The following KALRN variants were observed in gnomAD, a reference collection of about 807,000 sequenced individuals.
KALRN encodes the protein kalirin.
Under a neutral mutation model 353.7 loss-of-function variants are expected in KALRN, and 70 were observed. That is an observed-to-expected ratio of 0.20 (90% CI 0.16 to 0.24). The LOEUF (loss-of-function observed/expected upper bound fraction) is 0.24, where lower values mean the gene tolerates loss of function less well. Ranked by LOEUF, KALRN falls within the 10% of genes least tolerant of loss-of-function variation. The probability of loss-of-function intolerance (pLI) is 1.00; values close to 1 mark genes in which losing one functional copy is unlikely to be tolerated. For synonymous variants in KALRN, 1,391 were observed against 1,434.8 expected (o/e 0.97, Z 0.69); for missense variants, 2,791 against 3,756.7 (o/e 0.74, Z 6.72).
At position 124,227,663 on chromosome 3, in the gene KALRN, G is replaced by GTTTTTTT. The variant is rs747087120; in HGVS notation, c.74-291_74-285dup. Among the ~76,000 whole-genome samples the GTTTTTTT allele has an allele frequency of 2.4e-3, 166 of 69,256 alleles. 26 individuals carry two copies. The highest frequency in any genetic ancestry group is 2.9e-3 in the Non-Finnish European group (100 of 34,496). 45.4% of individuals were successfully genotyped at this position (69,256 alleles called of 152,430 possible). The stretch of plus-strand genomic sequence containing the variant: ...CAAGTTGCTCAATAGCAACAGGGCT[G>GTTTTTTT]TTTTTTTTTTTTTTTTTTTTTTTTT... On this transcript the variant is annotated intron_variant, in intron 1 of 59. Coordinates refer to ENST00000682506, the MANE Select transcript of KALRN (RefSeq NM_001388419.1).
chr3:124,313,915 T>C (rs2078541219), intron 6 of KALRN, among the ~76,000 whole-genome samples: 1 of 152,180 alleles, frequency 6.6e-6, no homozygotes, highest in Admixed American at 6.5e-5. Context: ...AGAGAATACC[T>C]GAGTCATAGG....
rs397876079 is a variant in KALRN at position 124,437,689 on chromosome 3, CAAAAAAAA to C, written c.3049-1180_3049-1173del. 3.0e-3 allele frequency among the ~76,000 whole-genome samples: 144 copies of C among 48,336 alleles called. 2 individuals are homozygous for C. The highest frequency in any genetic ancestry group is 8.9e-3 in the South Asian group (7 of 784). 31.7% of individuals were successfully genotyped at this position (48,336 alleles called of 152,430 possible). On this transcript the variant is annotated intron_variant, in intron 17 of 59. Coordinates refer to ENST00000682506, the MANE Select transcript of KALRN (RefSeq NM_001388419.1). ...TGGGTGAAAAAGCTAGATTCCGTCTCAAAAAAAAAAAAAAAAAAAAAAAAAAGACGTTT... is the reference window on the plus strand; with the variant it reads ...TGGGTGAAAAAGCTAGATTCCGTCTCAAAAAAAAAAAAAAAAAAGACGTTT...
At chr3:124,501,058 C>A (rs72980555) in intron 33 of KALRN, among the ~76,000 whole-genome samples, 3,001 of 152,260 alleles carry the variant, frequency 0.02, 103 homozygotes, top group African/African-American at 0.067. Context: ...TTAGCCCAGG[C>A]ATGCTGGAAA....
At chr3:124,325,098 C>T (rs1268952058) in intron 6 of KALRN, among the ~76,000 whole-genome samples, 2 of 152,102 alleles carry the variant, frequency 1.3e-5, no homozygotes, top group Admixed American at 1.3e-4. Flanking sequence ...TCGTTCCTTC[C>T]TGGAGCATTT....
intron 14 of KALRN, among the ~76,000 whole-genome samples, chr3:124,419,997 G>A (rs1019494228): frequency 5.3e-5 from 8 of 152,162 alleles, no homozygotes; most frequent in African/African-American, 1.9e-4. Flanking sequence ...TGTGTTTGGG[G>A]GCAGTGGGAG....
intron 43 of KALRN, among the ~76,000 whole-genome samples, chr3:124,660,680 C>CAAAAAAAA (rs5852424): frequency 1.1e-5 from 1 of 93,802 alleles, no homozygotes; most frequent in Admixed American, 1.2e-4. Context: ...GACTATGTCT[C>CAAAAAAAA]AAAAAAAAAA....
intron 1 of KALRN, among the ~76,000 whole-genome samples, chr3:124,185,256 T>G (rs920946106): frequency 6.6e-6 from 1 of 152,212 alleles, no homozygotes; most frequent in African/African-American, 2.4e-5. Context: ...GCACAAACCA[T>G]CTGCCCGTCT....
At chr3:124,504,942 A>G in intron 33 of KALRN, 1 of 506,078 alleles carries the variant, frequency 2.0e-6, no homozygotes, top group East Asian at 5.8e-5. Flanking sequence ...CAAGGCAAAC[A>G]AGGCTCAAGT....
At chr3:124,325,918 C>G in intron 6 of KALRN, 62 bp from the exon 7 acceptor site, 1 of 1,430,496 alleles carries the variant, frequency 7.0e-7, no homozygotes, top group Middle Eastern at 1.8e-4. Flanking sequence ...ATGTACCCCA[C>G]GAAAGTGCTC....
In KALRN at chr3:124,424,176, G is replaced by A. The variant is rs545187900; in HGVS notation, c.2709+1198G>A. ...TCCCGGGGGGGTTCCCAGCAGGGCA[G>A]GTACCACATCACTCCTGTGGTTGCC... On this transcript the variant is annotated intron_variant, in intron 15 of 59. Transcript: ENST00000682506. Among the ~76,000 whole-genome samples the A allele has an allele frequency of 1.6e-3, 238 of 152,254 alleles. 2 individuals are homozygous for A. Among genetic ancestry groups the A allele is most frequent in the African/African-American group, 5.5e-3 (229 of 41,542 alleles).
At chr3:124,391,199 A>G (rs2089320314) in intron 11 of KALRN, among the ~76,000 whole-genome samples, 1 of 150,584 alleles carries the variant, frequency 6.6e-6, no homozygotes, top group African/African-American at 2.4e-5. Context: ...CATAGTATAC[A>G]TATATTTTGA....
chr3:124,449,479 C>T (rs1025039992), intron 21 of KALRN, among the ~76,000 whole-genome samples: 2 of 152,110 alleles, frequency 1.3e-5, no homozygotes, highest in Non-Finnish European at 2.9e-5. Context: ...TATAAGGGGT[C>T]AAGGCACACG....
chr3:124,569,083 T>A (rs2110017466), intron 34 of KALRN, among the ~76,000 whole-genome samples: 1 of 152,330 alleles, frequency 6.6e-6, no homozygotes, highest in African/African-American at 2.4e-5. Flanking sequence ...TTCCTTTTCC[T>A]GTGCACTTTC....
chr3:124,233,439 C>T (rs2148560442), intron 2 of KALRN, among the ~76,000 whole-genome samples: 1 of 152,246 alleles, frequency 6.6e-6, no homozygotes, highest in Non-Finnish European at 1.5e-5. Flanking sequence ...ATGAAAGGTC[C>T]AACTCTGAGT....
intron 5 of KALRN, among the ~76,000 whole-genome samples, chr3:124,275,221 G>A (rs1051420605): frequency 6.6e-6 from 1 of 151,932 alleles, no homozygotes; most frequent in Non-Finnish European, 1.5e-5. Context: ...ATAAACTTCT[G>A]AGGAGATGTA....
chr3:124,579,304 G>A (rs534495445), intron 34 of KALRN, among the ~76,000 whole-genome samples: 3 of 152,328 alleles, frequency 2.0e-5, no homozygotes, highest in Admixed American at 2.0e-4. Flanking sequence ...TGTTGGAAAT[G>A]AGGGTGGGAC....
intron 34 of KALRN, among the ~76,000 whole-genome samples, chr3:124,603,024 G>A (rs2076975439): frequency 6.6e-6 from 1 of 151,908 alleles, no homozygotes; most frequent in African/African-American, 2.4e-5. Context: ...CACATCATGT[G>A]CCTGAAACCA....
At chr3:124,458,232 C>T (rs560452809) in intron 23 of KALRN, among the ~76,000 whole-genome samples, 6 of 147,514 alleles carry the variant, frequency 4.1e-5, no homozygotes, top group African/African-American at 1.0e-4. Flanking sequence ...GCCGAGATCA[C>T]GCCACTGCAC....
chr3:124,589,376 G>A (rs909948294), intron 34 of KALRN, among the ~76,000 whole-genome samples: 4 of 152,138 alleles, frequency 2.6e-5, no homozygotes, highest in African/African-American at 9.7e-5. Context: ...CAGGAGGACT[G>A]TGTGAGCCCA....
Sources: allele counts gnomAD v4.1 joint callset (sites outside exome capture counted in the v4.1 genomes callset), GRCh38; gene constraint gnomAD v4.1.1; transcripts MANE v1.5; gene names NCBI Gene and HGNC (gene_info 2026-07-23, HGNC 2026-07-21).